The following MRPS18A variants were observed in gnomAD, a reference collection of about 807,000 sequenced individuals.
MRPS18A encodes mitochondrial ribosomal protein S18A.
A neutral mutation model predicts 22.7 loss-of-function variants in MRPS18A; 20 were observed. That is an observed-to-expected ratio of 0.88 (90% CI 0.62 to 1.28). The LOEUF (loss-of-function observed/expected upper bound fraction) is 1.28. Among genes scored for constraint, MRPS18A ranks in the 50% most tolerant of loss-of-function variants. The pLI is 0.00. For synonymous variants in MRPS18A, 106 were observed against 99.1 expected, an observed-to-expected ratio of 1.07 and a Z score of -0.41; for missense variants, 294 against 262.6, an observed-to-expected ratio of 1.12 and a Z score of -0.83.
At chr6:43,680,694 T>C (rs1774350305) in intron 2 of MRPS18A, among the ~76,000 whole-genome samples, 1 of 152,244 alleles carries the variant, frequency 6.6e-6, no homozygotes, top group Admixed American at 6.5e-5. Context: ...AGTTTAGCCA[T>C]TCTAGGCAGA....
At chr6:43,678,439 G>T in intron 3 of MRPS18A, 79 bp downstream of exon 3, 1 of 1,059,218 alleles carries the variant, frequency 9.4e-7, no homozygotes, top group Non-Finnish European at 1.5e-6. Context: ...GCTACAGCGG[G>T]GACATGCTGC....
intron 1 of MRPS18A, among the ~76,000 whole-genome samples, chr6:43,684,665 C>T (rs999033763): frequency 3.3e-5 from 5 of 152,028 alleles, no homozygotes; most frequent in Admixed American, 3.3e-4. Flanking sequence ...CTCCAACTCA[C>T]TCCTCTCTCA....
At chr6:43,680,414 G>A (rs547025576) in intron 2 of MRPS18A, among the ~76,000 whole-genome samples, 107 of 152,316 alleles carry the variant, frequency 7.0e-4, no homozygotes, top group African/African-American at 2.3e-3. Context: ...AAGTTACAGA[G>A]GCCTCTGGGA....
chr6:43,681,218 C>T lies in MRPS18A; in HGVS notation c.113-98G>A, dbSNP rs1318673273. The T allele has an allele frequency of 2.4e-6, 3 of 1,267,922 alleles. No individual in the cohort carries two copies. The South Asian group carries it at 3.9e-5, about 16-fold the overall frequency. The allele number at this position is 1,267,922 out of a possible 1,614,324, so 78.5% of individuals were successfully genotyped here. A position where few individuals can be genotyped will look rare whatever the true frequency, so the allele number is the denominator to read the frequency against. The stretch of plus-strand genomic sequence containing the variant: ...ATTCTACACATCTGGAAAAAAGCAG[C>T]CTTCCATCTGTACTCTCTCATGGTC... On this transcript the variant is annotated intron_variant, in intron 1 of 5. Coordinates refer to ENST00000372133, the MANE Select transcript of MRPS18A (RefSeq NM_018135.4).
Position 43,674,414 on chromosome 6 carries a change from C to G in MRPS18A, c.446+788G>C, listed in dbSNP as rs74907228. ...CTCATTCCAGTCTGGGAACCACCAG[C>G]TGGACAGGAGGAAAGGGCCATTGGT... is the stretch of plus-strand genomic sequence containing the variant. On this transcript the variant is annotated intron_variant, in intron 5 of 5. Transcript: ENST00000372133. Among the ~76,000 whole-genome samples, 79 of 152,322 alleles carry G rather than the reference C, an allele frequency of 5.2e-4. 1 individual carries two copies. In the East Asian group the frequency reaches 0.013, roughly 26 times the overall value.
rs371275913 is a variant in MRPS18A at position 43,673,081 on chromosome 6, G to A, written c.447-1175C>T. Among the ~76,000 whole-genome samples, 1 of 150,602 alleles carries A rather than the reference G, an allele frequency of 6.6e-6. No individual in the cohort carries two copies. Among genetic ancestry groups the A allele is most frequent in the Non-Finnish European group, 1.5e-5 (1 of 67,846 alleles). ...CGGCTCACTGCAACTTCCGCCTCCT[G>A]GGTTTAAGCAATTCTCCTGCCTCAG... On this transcript the variant is annotated intron_variant, in intron 5 of 5. Transcript: ENST00000372133. The surrounding 1 kb of genome is among the most constrained non-coding windows in gnomAD (Gnocchi z 4.2).
chr6:43,684,110 A>AAACAAC (rs556245420), intron 1 of MRPS18A, among the ~76,000 whole-genome samples: 2 of 152,058 alleles, frequency 1.3e-5, no homozygotes, highest in African/African-American at 2.4e-5. Flanking sequence ...CTTGTCTCTT[A>AAACAAC]AACAACAACA....
intron 1 of MRPS18A, among the ~76,000 whole-genome samples, chr6:43,686,491 T>C (rs900101459): frequency 3.3e-5 from 5 of 152,212 alleles, no homozygotes; most frequent in African/African-American, 1.2e-4. Context: ...TACTTACTAT[T>C]TCCATCTCTT....
chr6:43,682,002 T>G (rs1438203848), intron 1 of MRPS18A, among the ~76,000 whole-genome samples: 2 of 152,214 alleles, frequency 1.3e-5, no homozygotes, highest in African/African-American at 2.4e-5. Flanking sequence ...CACAGTTTCT[T>G]TAGAAAGATA....
intron 3 of MRPS18A, 96 bp from the exon 4 acceptor site, chr6:43,675,713 TC>T: frequency 7.1e-7 from 1 of 1,408,452 alleles, no homozygotes; most frequent in Non-Finnish European, 9.5e-7. Context: ...GGCTGATATC[TC>T]CTGGGAACCT....
intron 1 of MRPS18A, among the ~76,000 whole-genome samples, chr6:43,685,433 T>G (rs1054328210): frequency 6.6e-6 from 1 of 152,326 alleles, no homozygotes; most frequent in Non-Finnish European, 1.5e-5. Context: ...AACTGACTTG[T>G]GCATTATGTT....
At chr6:43,675,350 G>C (rs544543545) in intron 4 of MRPS18A, 79 bp from the exon 5 acceptor site, 13 of 1,583,416 alleles carry the variant, frequency 8.2e-6, no homozygotes, top group Middle Eastern at 1.7e-4. Flanking sequence ...GCCCAAGGGA[G>C]CGGGAAGGTT....
At chr6:43,681,328 G>C (rs960482691) in intron 1 of MRPS18A, among the ~76,000 whole-genome samples, 8 of 152,222 alleles carry the variant, frequency 5.3e-5, no homozygotes, top group Admixed American at 2.6e-4. Context: ...GCAAGCCCAG[G>C]ATACCCAGGT....
chr6:43,672,458 G>C (rs1051794954), intron 5 of MRPS18A: 4 of 470,020 alleles, frequency 8.5e-6, no homozygotes, highest in Middle Eastern at 3.7e-4. Flanking sequence ...TAAATAGGAG[G>C]GGGGTGGGGA....
intron 2 of MRPS18A, 99 bp from the exon 3 acceptor site, chr6:43,678,724 GT>G: frequency 2.4e-6 from 2 of 841,590 alleles, no homozygotes; most frequent in African/African-American, 3.4e-5. Flanking sequence ...GCTGGTGAAA[GT>G]TTACCTTGGG....
At position 43,673,985 on chromosome 6, in the gene MRPS18A, G is replaced by T. The variant is rs942937428; in HGVS notation, c.446+1217C>A. On this transcript the variant is annotated intron_variant, in intron 5 of 5. Transcript: ENST00000372133. The surrounding 1 kb of genome is among the most constrained non-coding windows in gnomAD (Gnocchi z 4.2). ...GCTGCTGTCTCTTAAAAAGCCAGAG[G>T]GGGTGGGCTCAACCCCCAAATGGTC... Among the ~76,000 whole-genome samples the T allele has an allele frequency of 6.6e-6, 1 of 152,204 alleles. No individual in the cohort carries two copies. Among genetic ancestry groups the T allele is most frequent in the Non-Finnish European group, 1.5e-5 (1 of 68,036 alleles).
Position 43,671,728 on chromosome 6 carries a change from G to A in MRPS18A, c.*34C>T. 2 of 1,612,902 alleles carry A rather than the reference G, an allele frequency of 1.2e-6. No individual in the cohort carries two copies. On this transcript the variant is annotated 3_prime_UTR_variant, in exon 6 of 6. Coordinates refer to ENST00000372133, the MANE Select transcript of MRPS18A (RefSeq NM_018135.4). ...AGTGGGCCTCCTACTCCCCAGCACA[G>A]GTGCAGGAGGAACTCTGGAAGCACT...
chr6:43,681,824 C>T (rs926983930), intron 1 of MRPS18A, among the ~76,000 whole-genome samples: 4 of 152,188 alleles, frequency 2.6e-5, no homozygotes, highest in Admixed American at 2.0e-4. Context: ...AGTGCTTTGC[C>T]TATTTAGGTG....
Position 43,671,840 on chromosome 6 carries a change from C to T in MRPS18A, c.513G>A (p.Arg171=). 2 of 1,614,112 alleles carry T rather than the reference C, an allele frequency of 1.2e-6. No individual in the cohort carries two copies. The highest frequency in any genetic ancestry group is 1.7e-6 in the Non-Finnish European group (2 of 1,180,000). The change falls in exon 6 of 6, where the codon AGG becomes AGA. Residue 171 remains arginine (R), a synonymous_variant. Transcript: ENST00000372133. ...GGGGTGACCCCACGGGCATGCGCAC[C>T]CTGTTCCAGCGGGGGCCTTTTTTGT... ...PIYKKGPRWN[R]VRMPVGSPLL...
Sources: gnomAD v4.1 joint callset for allele counts (sites outside exome capture counted in the v4.1 genomes callset) on GRCh38, gnomAD v4.1.1 for gene constraint, Gnocchi (gnomAD v3.1) non-coding constraint, MANE v1.5 for transcripts, NCBI Gene and HGNC (gene_info 2026-07-23, HGNC 2026-07-21) for gene names.